WDR45: variants seen among roughly 807,000 people sequenced by gnomAD.
The protein encoded by WDR45 is WD repeat domain 45.
A neutral mutation model predicts 27.3 loss-of-function variants in WDR45; 2 were observed. The ratio of observed to expected loss-of-function variants is 0.07; its 90% CI spans 0.03 to 0.23. The LOEUF (loss-of-function observed/expected upper bound fraction) is 0.23, where lower values mean the gene tolerates loss of function less well. Ranked by LOEUF, WDR45 falls within the 10% of genes least tolerant of loss-of-function variation. WDR45 has a pLI of 1.00. For missense variants in WDR45, 175 were observed against 311.9 expected (o/e 0.56, Z 3.31); for synonymous variants, 99 against 119.2 (o/e 0.83, Z 1.11).
At chrX:49,076,130 T>C (rs1941910065) in intron 6 of WDR45, 185 bp from the exon 7 acceptor site, 2 of 474,105 alleles carry the variant, frequency 4.2e-6, no homozygotes, top group Non-Finnish European at 7.4e-6. Flanking sequence ...GCTCTGCAGC[T>C]GTGGAATCTA....
chrX:49,075,995 ATC>A, intron 6 of WDR45, 50 bp from the exon 7 acceptor site: 1 of 1,017,946 alleles, frequency 9.8e-7, no homozygotes, highest in African/African-American at 1.8e-5. Flanking sequence ...AGGAGGCAGC[ATC>A]TCAGAATGGA....
At chrX:49,076,352 CCTTT>C (rs1401453961) in intron 6 of WDR45, 74 bp downstream of exon 6, 193 of 1,045,660 alleles carry the variant, frequency 1.8e-4, no homozygotes, top group Non-Finnish European at 2.5e-4. Flanking sequence ...AGTGCCCCTT[CCTTT>C]CTTTCCTCAT....
intron 2 of WDR45, among the ~76,000 whole-genome samples, chrX:49,098,507 GA>G (rs11374043): frequency 2.7e-5 from 2 of 75,288 alleles, no homozygotes; most frequent in African/African-American, 9.4e-5. Flanking sequence ...AAAAAAAAAA[GA>G]AAAAAAAAAG....
At chrX:49,087,439 C>T (rs2065090228) in intron 2 of WDR45, among the ~76,000 whole-genome samples, 1 of 112,202 alleles carries the variant, frequency 8.9e-6, no homozygotes, top group Non-Finnish European at 1.9e-5. Context: ...AGGAGAATCA[C>T]TTGAACCCGG....
At chrX:49,101,059 C>T (rs889059674) in exon 1 of WDR45, 8 of 112,539 alleles carry the variant, frequency 7.1e-5, no homozygotes, top group African/African-American at 2.6e-4. Context: ...CCTCCACCAG[C>T]GCGCACCCTG....
chrX:49,098,032 G>C (rs2065132230), intron 2 of WDR45, among the ~76,000 whole-genome samples: 1 of 111,247 alleles, frequency 9.0e-6, no homozygotes, highest in African/African-American at 3.3e-5. Flanking sequence ...GCTCACTGCG[G>C]CCTCTAATTG....
chrX:49,083,902 G>A (rs1391171439), upstream of WDR45, among the ~76,000 whole-genome samples: 2 of 90,520 alleles, frequency 2.2e-5, no homozygotes, highest in African/African-American at 8.4e-5. Context: ...AGCTGAGATT[G>A]CACCACTGCA....
intron 2 of WDR45, among the ~76,000 whole-genome samples, chrX:49,099,369 A>C (rs2065137078): frequency 1.8e-5 from 2 of 111,240 alleles, no homozygotes; most frequent in South Asian, 3.8e-4. Flanking sequence ...CTTCAACTGA[A>C]CCTTTGAAGA....
chrX:49,090,839 C>CTT (rs374589139), intron 2 of WDR45, among the ~76,000 whole-genome samples: 27 of 102,594 alleles, frequency 2.6e-4, no homozygotes, highest in African/African-American at 6.0e-4. Context: ...TAATCCAGGC[C>CTT]TTTTTTTTTT....
rs782671518 is a variant in WDR45, at chrX:49,078,076, C to T, written c.20G>A (p.Arg7Gln). 1.3e-5 allele frequency: 16 copies of T among 1,210,578 alleles called. No homozygotes were observed. Among genetic ancestry groups the T allele is most frequent in the Admixed American group, 2.2e-5 (1 of 45,822 alleles). ...GTTGAAACGCAGGCTGGTCACTCCT[C>T]GAAGTGGCTGTTGAGTCATGGTGCA... is the stretch of plus-strand genomic sequence containing the variant. The part of the protein sequence containing the change: MTQQPL[R>Q]GVTSLRFNQD... Residue 7 changes from arginine to glutamine, a missense_variant, in exon 2 of 11, where the codon CGA becomes CAA. By Grantham distance (43) the Arg-to-Gln change is conservative. Coordinates refer to ENST00000376372, the MANE Select transcript of WDR45 (RefSeq NM_001029896.2).
At chrX:49,076,846 C>T (rs782442652) in intron 4 of WDR45, 96 bp from the exon 5 acceptor site, 1 of 694,429 alleles carries the variant, frequency 1.4e-6, no homozygotes, top group Admixed American at 2.8e-5. Context: ...GGGACCTCAA[C>T]CTACTTGCTT....
intron 2 of WDR45, among the ~76,000 whole-genome samples, chrX:49,086,874 T>G (rs2065087959): frequency 9.2e-6 from 1 of 109,271 alleles, no homozygotes. Context: ...ATTACAGGCG[T>G]GAGCCACTGT....
chrX:49,097,332 T>TTC (rs1241050360), intron 2 of WDR45, among the ~76,000 whole-genome samples: 1 of 104,581 alleles, frequency 9.6e-6, no homozygotes, highest in East Asian at 3.0e-4. Context: ...AGCTAATTGT[T>TTC]TTTTTTTTTT....
upstream of WDR45, among the ~76,000 whole-genome samples, chrX:49,084,041 T>C (rs1234242136): frequency 9.6e-6 from 1 of 104,043 alleles, no homozygotes; most frequent in East Asian, 3.1e-4. Context: ...CTCCATTTTC[T>C]TTTTCTTTTT....
chrX:49,084,389 A>G (rs898365084), upstream of WDR45, among the ~76,000 whole-genome samples: 371 of 108,252 alleles, frequency 3.4e-3, 2 homozygotes, highest in African/African-American at 0.012. Context: ...TGTTGGTCGC[A>G]CTGTCAAAAG....
At chrX:49,099,210 G>C (rs1238466760) in intron 2 of WDR45, among the ~76,000 whole-genome samples, 1 of 110,109 alleles carries the variant, frequency 9.1e-6, no homozygotes, top group Non-Finnish European at 1.9e-5. Flanking sequence ...TGTAGTCCCA[G>C]CTACTCGGGA....
upstream of WDR45, among the ~76,000 whole-genome samples, chrX:49,081,762 T>C (rs1441454409): frequency 9.3e-6 from 1 of 108,078 alleles, no homozygotes; most frequent in Admixed American, 9.9e-5. Context: ...GGCAGGTGGA[T>C]TGCCTGAGCT....
intron 2 of WDR45, among the ~76,000 whole-genome samples, chrX:49,087,298 C>A (rs1018694212): frequency 1.8e-5 from 2 of 109,335 alleles, no homozygotes; most frequent in Admixed American, 9.9e-5. Context: ...CAGAGGTTTG[C>A]AGTGAGCTGA....
At chrX:49,085,445 CACTT>C (rs1304245197) in intron 2 of WDR45, among the ~76,000 whole-genome samples, 6 of 112,104 alleles carry the variant, frequency 5.4e-5, no homozygotes, top group African/African-American at 1.9e-4. Flanking sequence ...GCTCCAGGCT[CACTT>C]TACACATCAT....
Sources: allele counts gnomAD v4.1 joint callset (sites outside exome capture counted in the v4.1 genomes callset), GRCh38; gene constraint gnomAD v4.1.1; transcripts MANE v1.5; gene names NCBI Gene and HGNC (gene_info 2026-07-23, HGNC 2026-07-21).